Variants in KLHL17 observed in about 807,000 individuals in gnomAD.
KLHL17 encodes kelch like family member 17.
In KLHL17, 71 loss-of-function variants were observed where a neutral mutation model predicts 64.6. The observed-to-expected ratio is 1.10, with a 90% CI of 0.91 to 1.34. KLHL17 has a LOEUF of 1.34. Among genes scored for constraint, KLHL17 ranks in the 40% most tolerant of loss-of-function variants. KLHL17 has a pLI of 0.00. For synonymous variants in KLHL17, 612 were observed against 405.4 expected (o/e 1.51, Z -6.12); for missense variants, 1,140 against 935.0 (o/e 1.22, Z -2.86).
intron 9 of KLHL17, 45 bp from the exon 10 acceptor site, chr1:964,062 C>A: frequency 6.2e-7 from 1 of 1,612,220 alleles, no homozygotes; most frequent in South Asian, 1.1e-5. Flanking sequence ...ACCGTGGAGA[C>A]CCCACTCCCA....
chr1:965,559 A>C lies in KLHL17; in HGVS notation c.*368A>C. On this transcript the variant is annotated 3_prime_UTR_variant, in exon 12 of 12. Coordinates refer to ENST00000338591, the MANE Select transcript of KLHL17 (RefSeq NM_198317.3). Reference sequence around the variant, plus strand: ...CTGCAGACCCCAGCTCGAATTTTGCACATGGCGGGGTCCCGGGAAGGGTGG... The same window carrying C: ...CTGCAGACCCCAGCTCGAATTTTGCCCATGGCGGGGTCCCGGGAAGGGTGG... The C allele has an allele frequency of 3.6e-6, 1 of 278,076 alleles. No individual in the cohort carries two copies. 17.2% of individuals were successfully genotyped at this position (278,076 alleles called of 1,614,324 possible).
Position 962,371 on chromosome 1 carries a change from CTA to C in KLHL17, c.729_730del (p.Ser244ArgfsTer62). The C allele has an allele frequency of 6.2e-7, 1 of 1,612,746 alleles. No homozygotes were observed. Among genetic ancestry groups the C allele is most frequent in the Non-Finnish European group, 8.5e-7 (1 of 1,179,900 alleles). ...CACTCCCAGGTTCTGGAACTGGTCTCTAGCGACAGCCTGAACGTGCCTTCAGA... is the reference window on the plus strand; with the variant it reads ...CACTCCCAGGTTCTGGAACTGGTCTCGCGACAGCCTGAACGTGCCTTCAGA... On this transcript the variant is annotated frameshift_variant, in exon 5 of 12. Coordinates refer to ENST00000338591, the MANE Select transcript of KLHL17 (RefSeq NM_198317.3). LOFTEE classifies it high-confidence loss of function.
chr1:963,694 G>T lies in KLHL17; in HGVS notation c.1355+190G>T, dbSNP rs1404595779. ...TGCCCCAGTGCCCTTTCCTCTCTCG[G>T]GTCCTTACCCCCAGTCCAGAGGCTG... On this transcript the variant is annotated intron_variant, in intron 8 of 11. Coordinates refer to ENST00000338591, the MANE Select transcript of KLHL17 (RefSeq NM_198317.3). The T allele has an allele frequency of 9.6e-6, 8 of 834,146 alleles. No individual in the cohort carries two copies. In the East Asian group the frequency reaches 1.9e-4, roughly 19 times the overall value. 51.7% of individuals were successfully genotyped at this position (834,146 alleles called of 1,614,324 possible). A position where few individuals can be genotyped will look rare whatever the true frequency, so the allele number is the denominator to read the frequency against.
rs759009236 is a variant in KLHL17 at position 961,360 on chromosome 1, C to T, written c.175C>T (p.Leu59=). Residue 59 remains leucine (L), a synonymous_variant, in exon 2 of 12, where the codon CTG becomes TTG. Transcript: ENST00000338591. The part of the protein sequence containing the change: ...PAAPMEGAVQ[L]LSREGHSVAH... Reference sequence around the variant, plus strand: ...AGCCCCCATGGAGGGAGCCGTGCAGCTGCTGAGCCGCGAGGGCCACAGCGT... The same window carrying T: ...AGCCCCCATGGAGGGAGCCGTGCAGTTGCTGAGCCGCGAGGGCCACAGCGT... 5.7e-6 allele frequency: 9 copies of T among 1,589,588 alleles called. No homozygotes were observed. Among genetic ancestry groups the T allele is most frequent in the Admixed American group, 5.3e-5 (3 of 57,080 alleles).
At chr1:961,171 G>A (rs1388859620) in intron 1 of KLHL17, 122 bp from the exon 2 acceptor site, 1 of 668,214 alleles carries the variant, frequency 1.5e-6, no homozygotes, top group Non-Finnish European at 2.0e-6. Context: ...GTCAGGCGAG[G>A]GCTGCCGGCG....
In KLHL17 at chr1:962,738, G is replaced by C. The variant is rs145980332; in HGVS notation, c.863G>C (p.Arg288Pro). 1 of 1,609,336 alleles carries C rather than the reference G, an allele frequency of 6.2e-7. No homozygotes were observed. Among genetic ancestry groups the C allele is most frequent in the Non-Finnish European group, 8.5e-7 (1 of 1,179,348 alleles). ...MKCVRLPLLS[R>P]DFLLGHVDAE... Reference sequence around the variant, plus strand: ...TGTGTGCGGCTGCCCTTGCTGAGCCGCGACTTCCTGCTGGGCCACGTGGAT... The same window carrying C: ...TGTGTGCGGCTGCCCTTGCTGAGCCCCGACTTCCTGCTGGGCCACGTGGAT... The change falls in exon 6 of 12, where the codon CGC (arginine) becomes CCC (proline). Residue 288 changes from arginine to proline, a missense_variant. Coordinates refer to ENST00000338591, the MANE Select transcript of KLHL17 (RefSeq NM_198317.3).
chr1:961,230 A>AGCGGCTCCAGGGCGGGCGG, intron 1 of KLHL17, 63 bp from the exon 2 acceptor site: 3 of 1,203,556 alleles, frequency 2.5e-6, no homozygotes, highest in Non-Finnish European at 3.1e-6. Flanking sequence ...CGGGCCCCCC[A>AGCGGCTCCAGGGCGGGCGG]GCGGCTCCAG....
At chr1:963,760 G>A in intron 8 of KLHL17, 160 bp from the exon 9 acceptor site, 1 of 920,698 alleles carries the variant, frequency 1.1e-6, no homozygotes, top group Non-Finnish European at 1.7e-6. Flanking sequence ...CAGGCAGCCA[G>A]GGTCCTGTGC....
Position 964,139 on chromosome 1 carries a change from A to G in KLHL17, c.1477A>G (p.Ser493Gly). ...GNLYAVGGYD[S>G]SSHLATVEKY... The stretch of plus-strand genomic sequence containing the variant: ...CCTGTATGCTGTGGGCGGCTACGAC[A>G]GCTCCTCACACCTGGCCACTGTGGA... The change falls in exon 10 of 12, where the codon AGC (serine) becomes GGC (glycine). Residue 493 changes from serine to glycine, a missense_variant. By Grantham distance (56) the Ser-to-Gly change is moderately conservative. Coordinates refer to ENST00000338591, the MANE Select transcript of KLHL17 (RefSeq NM_198317.3). 6.2e-7 allele frequency: 1 copy of G among 1,612,696 alleles called. No homozygotes were observed. Among genetic ancestry groups the G allele is most frequent in the Non-Finnish European group, 8.5e-7 (1 of 1,179,930 alleles).
chr1:960,627 T>G lies in KLHL17; in HGVS notation c.-67T>G. The G allele has an allele frequency of 7.9e-7, 1 of 1,258,700 alleles. No homozygotes were observed. Among genetic ancestry groups the G allele is most frequent in the Non-Finnish European group, 1.0e-6 (1 of 992,128 alleles). 78.0% of individuals were successfully genotyped at this position (1,258,700 alleles called of 1,614,324 possible). A position where few individuals can be genotyped will look rare whatever the true frequency, so the allele number is the denominator to read the frequency against. ...GCGGGCCGCCACCGCCGAGCAGCCC[T>G]CCGGCAGTCTCCGCGTCCGTTAAGC... On this transcript the variant is annotated 5_prime_UTR_variant, in exon 1 of 12. Transcript: ENST00000338591.
rs1270272023 is a variant in KLHL17, at chr1:963,946, G to C, written c.1382G>C (p.Gly461Ala). The change falls in exon 9 of 12, where the codon GGA becomes GCA. Residue 461 changes from glycine to alanine, a missense_variant. By Grantham distance (60) the Gly-to-Ala change is moderately conservative. Transcript: ENST00000338591. Reference protein sequence around the residue: ...NSAERYDPLTGTWTSVAAMST... With the variant: ...NSAERYDPLTATWTSVAAMST... ...GCTGAACGCTACGACCCCCTGACCG[G>C]AACGTGGACGTCCGTCGCTGCCATG... 3 of 1,612,476 alleles carry C rather than the reference G, an allele frequency of 1.9e-6. No homozygotes were observed. The highest frequency in any genetic ancestry group is 2.5e-6 in the Non-Finnish European group (3 of 1,179,916).
In KLHL17 at chr1:965,013, G is replaced by C. The variant is rs772153241; in HGVS notation, c.1751G>C (p.Gly584Ala). The C allele has an allele frequency of 1.6e-5, 26 of 1,612,530 alleles. No homozygotes were observed. The highest frequency in any genetic ancestry group is 2.2e-5 in the Non-Finnish European group (26 of 1,179,768). The change falls in exon 12 of 12, where the codon GGT becomes GCT. Residue 584 changes from glycine to alanine, a missense_variant. Physicochemically the swap from Gly to Ala is moderately conservative, Grantham distance 60. Coordinates refer to ENST00000338591, the MANE Select transcript of KLHL17 (RefSeq NM_198317.3). ...AMDGWLYAVG[G>A]NDGSSSLNSI... is the part of the protein sequence containing the mutation. ...GACGGATGGTTGTACGCCGTGGGGG[G>C]TAACGACGGTAGCTCCAGCCTCAAC...
chr1:962,083 C>T, intron 4 of KLHL17, 36 bp downstream of exon 4: 1 of 1,534,744 alleles, frequency 6.5e-7, no homozygotes, highest in Non-Finnish European at 8.9e-7. Flanking sequence ...GCCCCCCACC[C>T]CACCCCACCC....
At position 962,468 on chromosome 1, in the gene KLHL17, A is replaced by G. The variant is rs371585667; in HGVS notation, c.825A>G (p.Pro275=). 9 of 1,612,306 alleles carry G rather than the reference A, an allele frequency of 5.6e-6. No homozygotes were observed. The African/African-American group carries it at 1.1e-4, about 19-fold the overall frequency. Residue 275 remains proline, a synonymous_variant, in exon 5 of 12, where the codon CCA becomes CCG. Coordinates refer to ENST00000338591, the MANE Select transcript of KLHL17 (RefSeq NM_198317.3). ...TGGACGCCCGCAGGCAGCATGTCCCACGGGTGAGGCGCGGCCGCGGGGGGC... is the reference window on the plus strand; with the variant it reads ...TGGACGCCCGCAGGCAGCATGTCCCGCGGGTGAGGCGCGGCCGCGGGGGGC... ...HDVDARRQHV[P]RLMKCVRLPL...
intron 9 of KLHL17, 22 bp downstream of exon 9, chr1:964,030 G>A: frequency 6.2e-7 from 1 of 1,612,508 alleles, no homozygotes; most frequent in Non-Finnish European, 8.5e-7. Flanking sequence ...GGCCTGCCTG[G>A]GGGGCATCCC....
rs758740748 is a variant in KLHL17, at chr1:961,896, G to A, written c.560G>A (p.Ser187Asn). 9.9e-6 allele frequency: 16 copies of A among 1,612,828 alleles called. No homozygotes were observed. The highest frequency in any genetic ancestry group is 1.3e-5 in the Non-Finnish European group (15 of 1,180,010). ...GACGCTTGCTGCAAGTTTCTACTGA[G>A]TCAGCTCGACCCCTCCAACTGCCTG... ...VRDACCKFLLSQLDPSNCLGI... is the reference protein window; with the variant it reads ...VRDACCKFLLNQLDPSNCLGI... The change falls in exon 4 of 12, where the codon AGT becomes AAT. Residue 187 changes from serine (S) to asparagine (N), a missense_variant. By Grantham distance (46) the Ser-to-Asn change is conservative. Coordinates refer to ENST00000338591, the MANE Select transcript of KLHL17 (RefSeq NM_198317.3).
At position 965,264 on chromosome 1, in the gene KLHL17, G is replaced by C. The variant is rs1642897068; in HGVS notation, c.*73G>C. 11 of 1,236,684 alleles carry C rather than the reference G, an allele frequency of 8.9e-6. No homozygotes were observed. The highest frequency in any genetic ancestry group is 1.2e-5 in the Non-Finnish European group (10 of 867,790). 76.6% of individuals were successfully genotyped at this position (1,236,684 alleles called of 1,614,324 possible). A position where few individuals can be genotyped will look rare whatever the true frequency, so the allele number is the denominator to read the frequency against. On this transcript the variant is annotated 3_prime_UTR_variant, in exon 12 of 12. Coordinates refer to ENST00000338591, the MANE Select transcript of KLHL17 (RefSeq NM_198317.3). The stretch of plus-strand genomic sequence containing the variant: ...CCGTGGCCCCCACCAGGGACGTCCT[G>C]CGCCATCCGTTCACGTCTCTGCATC...
rs1221958064 is a variant in KLHL17, at chr1:961,767, C to T, written c.489+17C>T. The T allele has an allele frequency of 3.7e-6, 6 of 1,611,620 alleles. No individual in the cohort carries two copies. The highest frequency in any genetic ancestry group is 2.7e-5 in the African/African-American group (2 of 74,862). On this transcript the variant is annotated intron_variant, in intron 3 of 11. Transcript: ENST00000338591. ...AATGTGCAGGTGAGGGCTCCCTCACCCGGATCCCGGTGTCCCCCGACCCTG... is the reference window on the plus strand; with the variant it reads ...AATGTGCAGGTGAGGGCTCCCTCACTCGGATCCCGGTGTCCCCCGACCCTG...
intron 4 of KLHL17, 82 bp downstream of exon 4, chr1:962,129 C>G (rs572314057): frequency 2.6e-6 from 3 of 1,136,684 alleles, no homozygotes; most frequent in Non-Finnish European, 2.4e-6. Context: ...CCGTTTTGTT[C>G]CTGACACAGC....
Sources: allele counts gnomAD v4.1 joint callset, GRCh38; gene constraint gnomAD v4.1.1; transcripts MANE v1.5; gene names NCBI Gene and HGNC (gene_info 2026-07-23, HGNC 2026-07-21).